The following TTI1 variants were observed in gnomAD, a reference collection of about 807,000 sequenced individuals.
TTI1 encodes TELO2 interacting protein 1.
Under a neutral mutation model 85.4 loss-of-function variants are expected in TTI1, and 52 were observed. The ratio of observed to expected loss-of-function variants is 0.61; its 90% CI spans 0.49 to 0.77. The LOEUF is 0.77. Among genes scored for constraint, TTI1 ranks in the 30% least tolerant of loss-of-function variants. TTI1 has a pLI of 0.00. For synonymous variants in TTI1, 512 were observed against 503.9 expected (o/e 1.02, Z -0.22); for missense variants, 1,173 against 1,296.0 (o/e 0.91, Z 1.46).
At chr20:37,996,582 A>T in intron 6 of TTI1, 120 bp from the exon 7 acceptor site, 1 of 1,409,952 alleles carries the variant, frequency 7.1e-7, no homozygotes, top group South Asian at 1.2e-5. Context: ...TCTCTACTCC[A>T]TCCCGCCAAA....
Position 38,023,505 on chromosome 20 carries a change from C to A in TTI1, c.-41-9648G>T, listed in dbSNP as rs559665937. ...TCTATGTGCTTTCCCTTCTGAAGAACAAGTCGTATGATGAAATAGGTTCTT... is the reference window on the plus strand; with the variant it reads ...TCTATGTGCTTTCCCTTCTGAAGAAAAAGTCGTATGATGAAATAGGTTCTT... On this transcript the variant is annotated intron_variant, in intron 1 of 7. Transcript: ENST00000373447. Among the ~76,000 whole-genome samples the A allele has an allele frequency of 7.2e-5, 11 of 152,316 alleles. No individual in the cohort carries two copies. The East Asian group carries it at 2.1e-3, about 29-fold the overall frequency.
At chr20:37,984,287 G>A (rs2073161773) in intron 7 of TTI1, among the ~76,000 whole-genome samples, 1 of 152,192 alleles carries the variant, frequency 6.6e-6, no homozygotes, top group Admixed American at 6.5e-5. Context: ...CCTGGGGCAG[G>A]ACTGGCTGAG....
chr20:38,033,109 G>GCT (rs1056102917), intron 1 of TTI1, among the ~76,000 whole-genome samples: 7 of 152,178 alleles, frequency 4.6e-5, no homozygotes, highest in Admixed American at 2.0e-4. Flanking sequence ...CTGAGTAGGA[G>GCT]CTCACCAGGT....
rs1333671017 is a variant in TTI1 at position 37,983,029 on chromosome 20, A to G, written c.*427T>C. On this transcript the variant is annotated 3_prime_UTR_variant, in exon 8 of 8. Coordinates refer to ENST00000373447, the MANE Select transcript of TTI1 (RefSeq NM_001303457.2). Reference sequence around the variant, plus strand: ...AAGTGAGCTTTTGATCATACTTTTCATCCAAGAAGTGTCTTTATTTCCGTT... The same window carrying G: ...AAGTGAGCTTTTGATCATACTTTTCGTCCAAGAAGTGTCTTTATTTCCGTT... 1 of 156,142 alleles carries G rather than the reference A, an allele frequency of 6.4e-6. No homozygotes were observed. Among genetic ancestry groups the G allele is most frequent in the Non-Finnish European group, 1.4e-5 (1 of 70,338 alleles). The allele number at this position is 156,142 out of a possible 1,614,324, so 9.7% of individuals were successfully genotyped here.
chr20:37,996,741 G>A lies in TTI1; in HGVS notation c.2998+8C>T, dbSNP rs1289981461. The A allele has an allele frequency of 6.2e-7, 1 of 1,600,966 alleles. No individual in the cohort carries two copies. Among genetic ancestry groups the A allele is most frequent in the South Asian group, 1.1e-5 (1 of 89,856 alleles). On this transcript the variant is annotated splice_region_variant and intron_variant, in intron 6 of 7. Coordinates refer to ENST00000373447, the MANE Select transcript of TTI1 (RefSeq NM_001303457.2). ...GTGTGTGTTCAGGTGGAACTGCCTG[G>A]TACCCACCTAGGTCCAGTCTCTCAC...
At position 38,013,572 on chromosome 20, in the gene TTI1, A is replaced by T; in HGVS notation, c.245T>A (p.Leu82His). ...QSVVECLTFV[L>H]SSTCVKEQEL... ...CTGTTCTTTCACACATGTTGAAGAA[A>T]GGACAAATGTGAGGCATTCCACCAC... The change falls in exon 2 of 8, where the codon CTT becomes CAT. Residue 82 changes from leucine (L) to histidine (H), a missense_variant. Transcript: ENST00000373447. 3 of 1,614,250 alleles carry T rather than the reference A, an allele frequency of 1.9e-6. No homozygotes were observed. Among genetic ancestry groups the T allele is most frequent in the Non-Finnish European group, 2.5e-6 (3 of 1,180,038 alleles).
intron 7 of TTI1, chr20:37,987,161 T>G (rs1568606428): frequency 2.2e-5 from 10 of 456,634 alleles, no homozygotes; most frequent in Non-Finnish European, 3.5e-5. Context: ...CCAGGAGGTC[T>G]GATCTGAGTC....
chr20:38,028,495 C>T (rs2073863527), intron 1 of TTI1, among the ~76,000 whole-genome samples: 3 of 152,148 alleles, frequency 2.0e-5, no homozygotes, highest in African/African-American at 7.2e-5. Flanking sequence ...AATGTATATG[C>T]TGTAAAATGT....
At chr20:38,033,373 C>G (rs1232645698) in intron 1 of TTI1, 31 bp downstream of exon 1, 1 of 153,882 alleles carries the variant, frequency 6.5e-6, no homozygotes, top group Non-Finnish European at 1.5e-5. Flanking sequence ...AGCTGCTGGG[C>G]TCCCTCTGGT....
At chr20:38,002,532 A>G in intron 4 of TTI1, 96 bp downstream of exon 4, 2 of 1,501,066 alleles carry the variant, frequency 1.3e-6, no homozygotes, top group South Asian at 2.4e-5. Flanking sequence ...ACCAGGAGAT[A>G]AGGGGAGCTA....
chr20:37,983,439 G>A lies in TTI1; in HGVS notation c.*17C>T. 6.2e-7 allele frequency: 1 copy of A among 1,607,398 alleles called. No individual in the cohort carries two copies. The highest frequency in any genetic ancestry group is 8.5e-7 in the Non-Finnish European group (1 of 1,178,606). ...AGTAGGGGAGGGATCGGTGGCCTCT[G>A]TGGTGGGGGAGCAGGGTCACTGCAG... On this transcript the variant is annotated 3_prime_UTR_variant, in exon 8 of 8. Coordinates refer to ENST00000373447, the MANE Select transcript of TTI1 (RefSeq NM_001303457.2).
intron 7 of TTI1, among the ~76,000 whole-genome samples, chr20:37,984,102 G>A (rs1285171520): frequency 3.3e-5 from 5 of 152,126 alleles, no homozygotes; most frequent in African/African-American, 9.7e-5. Flanking sequence ...TAATATTATG[G>A]TCCTCCAGCA....
At chr20:38,030,809 C>G (rs964239235) in intron 1 of TTI1, among the ~76,000 whole-genome samples, 26 of 152,148 alleles carry the variant, frequency 1.7e-4, no homozygotes, top group African/African-American at 6.0e-4. Context: ...AATTCCAGAC[C>G]CATAAACCCA....
At chr20:38,018,628 C>T (rs1185156609) in intron 1 of TTI1, among the ~76,000 whole-genome samples, 1 of 152,104 alleles carries the variant, frequency 6.6e-6, no homozygotes, top group Admixed American at 6.5e-5. Flanking sequence ...AAAGAACACA[C>T]AGACATCATA....
At chr20:38,029,316 A>C (rs2073875832) in intron 1 of TTI1, among the ~76,000 whole-genome samples, 1 of 152,104 alleles carries the variant, frequency 6.6e-6, no homozygotes. Flanking sequence ...AGCCATGCTG[A>C]GATGTAAATT....
At chr20:38,015,825 T>G (rs1419024185) in intron 1 of TTI1, among the ~76,000 whole-genome samples, 1 of 152,174 alleles carries the variant, frequency 6.6e-6, no homozygotes, top group Non-Finnish European at 1.5e-5. Context: ...AAAGCAGGGA[T>G]GCAGAGACGC....
chr20:37,988,338 A>G (rs964179060), intron 7 of TTI1, among the ~76,000 whole-genome samples: 1 of 151,956 alleles, frequency 6.6e-6, no homozygotes, highest in African/African-American at 2.4e-5. Flanking sequence ...ATCATTACTC[A>G]CCCCACCCCA....
chr20:38,016,647 A>AC (rs1310699433), intron 1 of TTI1, among the ~76,000 whole-genome samples: 5 of 151,856 alleles, frequency 3.3e-5, no homozygotes, highest in Non-Finnish European at 7.4e-5. Flanking sequence ...CATCAATTCC[A>AC]CCCCTTTGAC....
intron 1 of TTI1, among the ~76,000 whole-genome samples, chr20:38,029,483 A>C (rs1156757731): frequency 6.6e-6 from 1 of 152,136 alleles, no homozygotes; most frequent in Admixed American, 6.6e-5. Context: ...AAACACAGAA[A>C]GTCAATGAAA....
Sources: allele counts gnomAD v4.1 joint callset (sites outside exome capture counted in the v4.1 genomes callset), GRCh38; gene constraint gnomAD v4.1.1; transcripts MANE v1.5; gene names NCBI Gene and HGNC (gene_info 2026-07-23, HGNC 2026-07-21).